The following SBK1 variants were observed in gnomAD, a reference collection of about 807,000 sequenced individuals.
SBK1 encodes serine/threonine-protein kinase SBK1.
Under a neutral mutation model 24.4 loss-of-function variants are expected in SBK1, and 11 were observed. The observed-to-expected ratio is 0.45, with a 90% confidence interval of 0.28 to 0.75. The LOEUF is 0.75. Ranked by LOEUF, SBK1 falls within the 30% of genes least tolerant of loss-of-function variation. The pLI is 0.12. For missense variants in SBK1, 467 were observed against 620.5 expected (o/e 0.75, Z 2.63); for synonymous variants, 308 against 284.4 (o/e 1.08, Z -0.83).
At chr16:28,260,902 G>T (rs2044393347) in intron 1 of SBK1, among the ~76,000 whole-genome samples, 2 of 152,212 alleles carry the variant, frequency 1.3e-5, no homozygotes, top group South Asian at 2.1e-4. Flanking sequence ...GGCCCACCAG[G>T]TCTGTCTTAA....
Position 28,320,745 on chromosome 16 carries a change from C to G in SBK1, c.1099C>G (p.Pro367Ala). 1 of 1,220,630 alleles carries G rather than the reference C, an allele frequency of 8.2e-7. No homozygotes were observed. Among genetic ancestry groups the G allele is most frequent in the Non-Finnish European group, 1.0e-6 (1 of 972,484 alleles). The allele number at this position is 1,220,630 out of a possible 1,614,324, so 75.6% of individuals were successfully genotyped here. A position where few individuals can be genotyped will look rare whatever the true frequency, so the allele number is the denominator to read the frequency against. The stretch of plus-strand genomic sequence containing the variant: ...GAGCGGCAGCGGCTCCCGGCCCGCG[C>G]CCCCCGCCGTCGGGTCGGTGCCCTT... ...TESGSGSRPAPPAVGSVPLPV... is the reference protein window; with the variant it reads ...TESGSGSRPAAPAVGSVPLPV... The change falls in exon 4 of 4, where the codon CCC becomes GCC. Residue 367 changes from proline (P) to alanine (A), a missense_variant. Coordinates refer to ENST00000341901, the MANE Select transcript of SBK1 (RefSeq NM_001024401.3). The surrounding 1 kb of genome is among the most constrained non-coding windows in gnomAD (Gnocchi z 8.5).
chr16:28,315,015 G>A lies in SBK1; in HGVS notation c.-7-2370G>A, dbSNP rs539704640. 6.0e-4 allele frequency among the ~76,000 whole-genome samples: 91 copies of A among 152,314 alleles called. 1 individual carries two copies. The South Asian group carries it at 0.018, about 30-fold the overall frequency. ...GAAAAAAGGGAGAAGGGAGTGCAGG[G>A]AGGGTAGAGGGAGGCTGCACCCGGA... On this transcript the variant is annotated intron_variant, in intron 1 of 3. Coordinates refer to ENST00000341901, the MANE Select transcript of SBK1 (RefSeq NM_001024401.3).
At chr16:28,280,077 C>G (rs1005269756) in intron 1 of SBK1, among the ~76,000 whole-genome samples, 2 of 136,928 alleles carry the variant, frequency 1.5e-5, no homozygotes, top group East Asian at 4.2e-4. Flanking sequence ...AAACTCCTGG[C>G]TCAATCTGGC....
intron 1 of SBK1, among the ~76,000 whole-genome samples, chr16:28,271,562 C>A (rs558153444): frequency 2.6e-5 from 4 of 151,926 alleles, no homozygotes; most frequent in Non-Finnish European, 1.5e-5. Context: ...GTCCCCCCAC[C>A]CCCAAAAAAG....
At chr16:28,262,371 A>G (rs1349744900) in intron 1 of SBK1, among the ~76,000 whole-genome samples, 1 of 152,212 alleles carries the variant, frequency 6.6e-6, no homozygotes, top group African/African-American at 2.4e-5. Context: ...ATCCTGGGGA[A>G]GTCACTTCTC....
chr16:28,322,632 A>T lies in SBK1; in HGVS notation c.*1711A>T, dbSNP rs1387907238. The T allele has an allele frequency of 6.6e-6, 1 of 151,696 alleles. No individual in the cohort carries two copies. 9.4% of individuals were successfully genotyped at this position (151,696 alleles called of 1,614,324 possible). On this transcript the variant is annotated 3_prime_UTR_variant, in exon 4 of 4. Transcript: ENST00000341901. ...TGGGGTGGCCCCAGGGCCTGGCCCC[A>T]CTCTCCCTGCTGTGCCCACTCCTCT...
chr16:28,265,275 C>T (rs527393947), intron 1 of SBK1, among the ~76,000 whole-genome samples: 5 of 151,696 alleles, frequency 3.3e-5, no homozygotes, highest in Non-Finnish European at 5.9e-5. Context: ...AAATAAAAGC[C>T]GGGCATCATG....
chr16:28,281,322 G>A (rs1376654759), intron 1 of SBK1, among the ~76,000 whole-genome samples: 2 of 152,142 alleles, frequency 1.3e-5, no homozygotes, highest in East Asian at 3.9e-4. Flanking sequence ...CCTCCTCCGG[G>A]CCAGCTCAGC....
chr16:28,320,592 G>A lies in SBK1; in HGVS notation c.946G>A (p.Glu316Lys). ...AKEVFRFLKH[E>K]LTSELRRRPS... ...GGAGGTGTTCCGCTTCCTCAAGCAC[G>A]AGCTCACGTCCGAGCTGCGCCGCCG... is the stretch of plus-strand genomic sequence containing the variant. Residue 316 changes from glutamate to lysine, a missense_variant, in exon 4 of 4, where the codon GAG becomes AAG. Physicochemically the swap from Glu to Lys is moderately conservative, Grantham distance 56. Around this residue, in one of 4 missense-constraint regions of SBK1, gnomAD observed 86 missense variants for 121.7 expected, o/e 0.71. Coordinates refer to ENST00000341901, the MANE Select transcript of SBK1 (RefSeq NM_001024401.3). The surrounding 1 kb of genome is among the most constrained non-coding windows in gnomAD (Gnocchi z 8.5). The A allele has an allele frequency of 6.7e-7, 1 of 1,502,986 alleles. No individual in the cohort carries two copies. The highest frequency in any genetic ancestry group is 1.2e-5 in the South Asian group (1 of 82,406). The allele number at this position is 1,502,986 out of a possible 1,614,324, so 93.1% of individuals were successfully genotyped here.
At chr16:28,304,965 A>C (rs2044705868) in intron 1 of SBK1, among the ~76,000 whole-genome samples, 1 of 151,940 alleles carries the variant, frequency 6.6e-6, no homozygotes, top group African/African-American at 2.4e-5. Context: ...ACTGGGGTGC[A>C]GTGGCACCAT....
chr16:28,270,827 CCTTT>C (rs2044460366), intron 1 of SBK1, among the ~76,000 whole-genome samples: 1 of 150,436 alleles, frequency 6.6e-6, no homozygotes, highest in African/African-American at 2.5e-5. Context: ...TCCTATGCAC[CCTTT>C]CTTATTTATT....
chr16:28,267,408 A>T (rs1304483622), intron 1 of SBK1, among the ~76,000 whole-genome samples: 2 of 152,210 alleles, frequency 1.3e-5, no homozygotes, highest in Non-Finnish European at 2.9e-5. Flanking sequence ...AATTCATGTG[A>T]TTAGATTGGG....
Position 28,320,352 on chromosome 16 carries a change from G to T in SBK1, c.706G>T (p.Val236Leu), listed in dbSNP as rs1174567892. The T allele has an allele frequency of 1.3e-6, 2 of 1,593,486 alleles. No individual in the cohort carries two copies. The highest frequency in any genetic ancestry group is 1.7e-5 in the Admixed American group (1 of 59,738). Residue 236 changes from valine (V) to leucine (L), a missense_variant, in exon 4 of 4, where the codon GTG becomes TTG. Around this residue, in one of 4 missense-constraint regions of SBK1, gnomAD observed 92 missense variants for 193.8 expected, o/e 0.47. Transcript: ENST00000341901. The surrounding 1 kb of genome is among the most constrained non-coding windows in gnomAD (Gnocchi z 8.5). ...GCTGGCGGTGGACACGGGCGTGGACGTGTGGGCCTTCGGCGTGCTCATCTT... is the reference window on the plus strand; with the variant it reads ...GCTGGCGGTGGACACGGGCGTGGACTTGTGGGCCTTCGGCGTGCTCATCTT... ...DGLAVDTGVD[V>L]WAFGVLIFCV...
chr16:28,287,639 T>C (rs2044574837), upstream of SBK1, among the ~76,000 whole-genome samples: 1 of 151,314 alleles, frequency 6.6e-6, no homozygotes, highest in Admixed American at 6.6e-5. Context: ...CTTCTTTTTT[T>C]GTTTTTGTTT....
chr16:28,305,690 C>A (rs1189286833), intron 1 of SBK1, among the ~76,000 whole-genome samples: 2 of 152,046 alleles, frequency 1.3e-5, no homozygotes, highest in African/African-American at 2.4e-5. Context: ...TGCCACCACA[C>A]CTGGCTACTT....
intron 1 of SBK1, among the ~76,000 whole-genome samples, chr16:28,315,901 G>A (rs1383143621): frequency 2.0e-5 from 3 of 152,144 alleles, no homozygotes; most frequent in African/African-American, 7.2e-5. Flanking sequence ...AAGTAGCTGG[G>A]ATTACAGGCG....
At chr16:28,318,959 A>AG in intron 2 of SBK1, 36 bp from the exon 3 acceptor site, 1 of 1,541,916 alleles carries the variant, frequency 6.5e-7, no homozygotes, top group Non-Finnish European at 9.0e-7. Flanking sequence ...GCACTGGGAG[A>AG]GGGGGCTTCA....
At chr16:28,286,343 C>A (rs2141571142) in intron 1 of SBK1, 1 of 152,376 alleles carries the variant, frequency 6.6e-6, no homozygotes, top group Admixed American at 6.5e-5. Context: ...AGTTCAGAAC[C>A]AACCTGGGCA....
intron 1 of SBK1, among the ~76,000 whole-genome samples, chr16:28,272,170 A>G (rs1348942749): frequency 1.3e-5 from 2 of 152,190 alleles, no homozygotes; most frequent in African/African-American, 4.8e-5. Flanking sequence ...CCTGGGCTCA[A>G]GCAATCCTCC....
Sources: gnomAD v4.1 joint callset for allele counts (sites outside exome capture counted in the v4.1 genomes callset) on GRCh38, gnomAD v4.1.1 for gene constraint, gnomAD v4.1.1 regional missense constraint, Gnocchi (gnomAD v3.1) non-coding constraint, MANE v1.5 for transcripts, NCBI Gene and HGNC (gene_info 2026-07-23, HGNC 2026-07-21) for gene names.